The following RET variants were observed in gnomAD, a reference collection of about 807,000 sequenced individuals.
The protein encoded by RET is ret proto-oncogene.
In RET, 19 loss-of-function variants were observed where a neutral mutation model predicts 118.3. That is an observed-to-expected ratio of 0.16 (90% CI 0.11 to 0.24). The LOEUF (loss-of-function observed/expected upper bound fraction) is 0.24. Ranked by LOEUF, RET falls within the 10% of genes least tolerant of loss-of-function variation. The pLI is 1.00. For synonymous variants in RET, 597 were observed against 644.1 expected, an observed-to-expected ratio of 0.93 and a Z score of 1.11; for missense variants, 1,219 against 1,502.1, an observed-to-expected ratio of 0.81 and a Z score of 3.12.
At chr10:43,121,579 C>A (rs1361274550) in intron 15 of RET, among the ~76,000 whole-genome samples, 1 of 152,162 alleles carries the variant, frequency 6.6e-6, no homozygotes, top group African/African-American at 2.4e-5. Context: ...CATGGAAATG[C>A]TAGATGTTGG....
At chr10:43,104,889 G>C in intron 3 of RET, 63 bp from the exon 4 acceptor site, 1 of 1,534,124 alleles carries the variant, frequency 6.5e-7, no homozygotes, top group Admixed American at 2.0e-5. Context: ...CCCTTCCCGA[G>C]GAAAGCGGCT....
At chr10:43,120,355 TC>T in intron 15 of RET, 152 bp downstream of exon 15, 1 of 1,167,502 alleles carries the variant, frequency 8.6e-7, no homozygotes, top group South Asian at 1.4e-5. Flanking sequence ...TGACCCTGGG[TC>T]CCCAAGGACC....
chr10:43,114,359 C>T lies in RET; in HGVS notation c.1880-121C>T, dbSNP rs1838013121. The T allele has an allele frequency of 4.3e-6, 6 of 1,390,532 alleles. No individual in the cohort carries two copies. Among genetic ancestry groups the T allele is most frequent in the East Asian group, 2.4e-5 (1 of 41,060 alleles). 86.1% of individuals were successfully genotyped at this position (1,390,532 alleles called of 1,614,324 possible). ...CTCAGGCCTTCCCACACCTCCATGG[C>T]CACTTCCCAGCTGGCGCGGACACGG... On this transcript the variant is annotated intron_variant, in intron 10 of 19. Coordinates refer to ENST00000355710, the MANE Select transcript of RET (RefSeq NM_020975.6). The surrounding 1 kb of genome is among the most constrained non-coding windows in gnomAD (Gnocchi z 4.6).
chr10:43,083,742 A>G (rs28464869), intron 1 of RET, among the ~76,000 whole-genome samples: 56,012 of 152,212 alleles, frequency 0.37, 10,518 homozygotes, highest in South Asian at 0.42. Flanking sequence ...TGAGGGGGAC[A>G]GAGGGGGAAA....
intron 1 of RET, among the ~76,000 whole-genome samples, chr10:43,097,726 C>A (rs1270754666): frequency 2.0e-5 from 3 of 152,184 alleles, no homozygotes; most frequent in Non-Finnish European, 2.9e-5. Flanking sequence ...GTTCTATTTT[C>A]CCACTGTGGG....
intron 1 of RET, 119 bp from the exon 2 acceptor site, chr10:43,100,340 G>T (rs2132654065): frequency 8.5e-7 from 1 of 1,176,106 alleles, no homozygotes; most frequent in Admixed American, 1.9e-5. Flanking sequence ...CATGTTCTCA[G>T]GAACAGAGAT....
chr10:43,113,018 T>C lies in RET; in HGVS notation c.1759+55T>C, dbSNP rs565360197. 138 of 1,454,736 alleles carry C rather than the reference T, an allele frequency of 9.5e-5. No homozygotes were observed. The African/African-American group carries it at 1.8e-3, about 19-fold the overall frequency. 90.1% of individuals were successfully genotyped at this position (1,454,736 alleles called of 1,614,324 possible). A position where few individuals can be genotyped will look rare whatever the true frequency, so the allele number is the denominator to read the frequency against. ...CAGGTAGGAGATAGTAGGGGAAACCTGGATCCCACAGGCACTTCAGCCAGA... is the reference window on the plus strand; with the variant it reads ...CAGGTAGGAGATAGTAGGGGAAACCCGGATCCCACAGGCACTTCAGCCAGA... On this transcript the variant is annotated intron_variant, in intron 9 of 19. Coordinates refer to ENST00000355710, the MANE Select transcript of RET (RefSeq NM_020975.6).
rs886046989 is a variant in RET at position 43,123,716 on chromosome 10, A to G, written c.2847A>G (p.Gly949=). The G allele has an allele frequency of 4.3e-6, 7 of 1,614,044 alleles. No individual in the cohort carries two copies. Among genetic ancestry groups the G allele is most frequent in the East Asian group, 2.2e-5 (1 of 44,882 alleles). ...TGTGGGAGATCGTGACCCTAGGGGG[A>G]AACCCCTATCCTGGGATTCCTCCTG... The part of the protein sequence containing the change: ...VLLWEIVTLG[G]NPYPGIPPER... The change falls in exon 17 of 20, where the codon GGA becomes GGG. Residue 949 remains glycine, a synonymous_variant. Transcript: ENST00000355710.
chr10:43,077,389 G>A, intron 1 of RET, 58 bp downstream of exon 1: 1 of 1,471,786 alleles, frequency 6.8e-7, no homozygotes, highest in South Asian at 1.3e-5. Context: ...GCGCCGAGCA[G>A]CGGAGCGGGC....
intron 15 of RET, 150 bp downstream of exon 15, chr10:43,120,353 G>GGTCC (rs1743725357): frequency 9.4e-6 from 11 of 1,174,400 alleles, no homozygotes; most frequent in Non-Finnish European, 1.2e-5. Flanking sequence ...TCTGACCCTG[G>GGTCC]GTCCCCAAGG....
At position 43,115,173 on chromosome 10, in the gene RET, T is replaced by C. The variant is rs181457644; in HGVS notation, c.2136+437T>C. On this transcript the variant is annotated intron_variant, in intron 11 of 19. Transcript: ENST00000355710. ...GCCCCTTCAGTGTTCCTACTAGCACTGTCCAGGGCGCTGGAAGCCAAGCCC... is the reference window on the plus strand; with the variant it reads ...GCCCCTTCAGTGTTCCTACTAGCACCGTCCAGGGCGCTGGAAGCCAAGCCC... Among the ~76,000 whole-genome samples the C allele has an allele frequency of 1.8e-3, 273 of 152,276 alleles. No homozygotes were observed. Among genetic ancestry groups the C allele is most frequent in the Non-Finnish European group, 3.4e-3 (229 of 68,004 alleles).
In RET at chr10:43,129,548, C is replaced by G. The variant is rs1316269773; in HGVS notation, c.*1279C>G. 1.3e-5 allele frequency: 3 copies of G among 238,216 alleles called. No homozygotes were observed. Among genetic ancestry groups the G allele is most frequent in the Non-Finnish European group, 2.5e-5 (3 of 121,560 alleles). 14.8% of individuals were successfully genotyped at this position (238,216 alleles called of 1,614,324 possible). A position where few individuals can be genotyped will look rare whatever the true frequency, so the allele number is the denominator to read the frequency against. On this transcript the variant is annotated 3_prime_UTR_variant, in exon 20 of 20. Transcript: ENST00000355710. ...CAACACTCCTCCAGTCTTGTGGGGG[C>G]AGCTTTTGGGAAGTCTCAGCAGCTC...
chr10:43,111,074 GCTCGGGGGGGCTGCTGTCTCCAGGC>G, intron 6 of RET, 108 bp from the exon 7 acceptor site: 1 of 1,269,910 alleles, frequency 7.9e-7, no homozygotes, highest in Non-Finnish European at 1.1e-6. Context: ...AGGACAGGGT[GCTCGGGGGGGCTGCTGTCTCCAGGC>G]CCAGTTGGGG....
chr10:43,129,883 A>T lies in RET; in HGVS notation c.*1614A>T, dbSNP rs756269717. 1 of 398,534 alleles carries T rather than the reference A, an allele frequency of 2.5e-6. No homozygotes were observed. The highest frequency in any genetic ancestry group is 2.1e-5 in the African/African-American group (1 of 48,616). The allele number at this position is 398,534 out of a possible 1,614,324, so 24.7% of individuals were successfully genotyped here. A position where few individuals can be genotyped will look rare whatever the true frequency, so the allele number is the denominator to read the frequency against. On this transcript the variant is annotated 3_prime_UTR_variant, in exon 20 of 20. Coordinates refer to ENST00000355710, the MANE Select transcript of RET (RefSeq NM_020975.6). ...CAGATACACTGTGATAAGTTCTTTT[A>T]CAAATATCTATAGACATGGTAAACT... is the stretch of plus-strand genomic sequence containing the variant.
chr10:43,124,892 G>A lies in RET; in HGVS notation c.2949G>A (p.Leu983=), dbSNP rs1838295838. The stretch of plus-strand genomic sequence containing the variant: ...CTGCTCTTCCCACCAGGTACCGCCT[G>A]ATGCTGCAATGCTGGAAGCAGGAGC... ...PDNCSEEMYR[L]MLQCWKQEPD... Residue 983 remains leucine (L), a synonymous_variant, in exon 18 of 20, where the codon CTG becomes CTA. Coordinates refer to ENST00000355710, the MANE Select transcript of RET (RefSeq NM_020975.6). 1 of 1,613,972 alleles carries A rather than the reference G, an allele frequency of 6.2e-7. No individual in the cohort carries two copies. The highest frequency in any genetic ancestry group is 8.5e-7 in the Non-Finnish European group (1 of 1,180,060).
chr10:43,125,541 C>T (rs961644320), intron 18 of RET, among the ~76,000 whole-genome samples: 18 of 152,262 alleles, frequency 1.2e-4, no homozygotes, highest in African/African-American at 4.1e-4. Flanking sequence ...TTCCCAGAGC[C>T]GAACGCAGGC....
chr10:43,118,885 C>T lies in RET; in HGVS notation c.2392+405C>T, dbSNP rs199549069. ...CTGTGACCTCAGGTGACCCCAGCCCCGCCCTGCATGGCAGGAACATTGTCA... is the reference window on the plus strand; with the variant it reads ...CTGTGACCTCAGGTGACCCCAGCCCTGCCCTGCATGGCAGGAACATTGTCA... On this transcript the variant is annotated intron_variant, in intron 13 of 19. Coordinates refer to ENST00000355710, the MANE Select transcript of RET (RefSeq NM_020975.6). Among the ~76,000 whole-genome samples, 10 of 152,326 alleles carry T rather than the reference C, an allele frequency of 6.6e-5. No homozygotes were observed. In the East Asian group the frequency reaches 1.7e-3, roughly 26 times the overall value.
At chr10:43,122,096 G>T (rs922169375) in intron 16 of RET, 80 bp downstream of exon 16, 2 of 1,129,054 alleles carry the variant, frequency 1.8e-6, no homozygotes, top group Non-Finnish European at 1.4e-6. Context: ...ACGCCCGTCT[G>T]TGCAGCTTGG....
At chr10:43,121,781 G>C (rs564932930) in intron 15 of RET, among the ~76,000 whole-genome samples, 165 bp from the exon 16 acceptor site, 1 of 152,294 alleles carries the variant, frequency 6.6e-6, no homozygotes, top group African/African-American at 2.4e-5. Context: ...TCAGGCTGGA[G>C]CTCCAGCCCC....
Sources: allele counts gnomAD v4.1 joint callset (sites outside exome capture counted in the v4.1 genomes callset), GRCh38; gene constraint gnomAD v4.1.1; non-coding constraint Gnocchi (gnomAD v3.1); transcripts MANE v1.5; gene names NCBI Gene and HGNC (gene_info 2026-07-23, HGNC 2026-07-21).